The following DAB2IP variants were observed in gnomAD, a reference collection of about 807,000 sequenced individuals.
The protein encoded by DAB2IP is DAB2 interacting protein, also known as disabled homolog 2-interacting protein.
DAB2IP carries 28 observed loss-of-function variants against 107.2 expected under a neutral mutation model. The observed-to-expected ratio is 0.26, with a 90% CI of 0.19 to 0.36. The LOEUF is 0.36. Ranked by LOEUF, DAB2IP falls within the 10% of genes least tolerant of loss-of-function variation. DAB2IP has a pLI of 1.00. For missense variants in DAB2IP, 1,400 were observed against 1,644.7 expected (o/e 0.85, Z 2.57); for synonymous variants, 755 against 706.4 (o/e 1.07, Z -1.09).
exon 12 of DAB2IP, chr9:121,773,291 G>A (rs1564226524): frequency 1.3e-5 from 19 of 1,512,288 alleles, no homozygotes; most frequent in Non-Finnish European, 1.6e-5. Flanking sequence ...ACCAGCCTCC[G>A]CCCCCACCCC....
At chr9:121,707,532 T>A (rs1830120254) in intron 3 of DAB2IP, among the ~76,000 whole-genome samples, 1 of 152,158 alleles carries the variant, frequency 6.6e-6, no homozygotes, top group Non-Finnish European at 1.5e-5. Flanking sequence ...GCCCTAACTT[T>A]TCTGGAACAA....
chr9:121,585,988 T>G (rs1221127308), intron 1 of DAB2IP, among the ~76,000 whole-genome samples: 1 of 152,212 alleles, frequency 6.6e-6, no homozygotes, highest in African/African-American at 2.4e-5. Context: ...GAGCCCACCC[T>G]GGCTCCCTGT....
chr9:121,724,334 C>T (rs1159964992), intron 3 of DAB2IP, among the ~76,000 whole-genome samples: 1 of 152,098 alleles, frequency 6.6e-6, no homozygotes, highest in Non-Finnish European at 1.5e-5. Flanking sequence ...CATCTTTGTC[C>T]TTGTTCCCTC....
At chr9:121,714,576 G>A (rs1430079602) in intron 3 of DAB2IP, among the ~76,000 whole-genome samples, 1 of 152,206 alleles carries the variant, frequency 6.6e-6, no homozygotes, top group Non-Finnish European at 1.5e-5. Context: ...AATGGGACAG[G>A]TGCTCTGACA....
At chr9:121,623,082 T>G (rs1419616934) in intron 1 of DAB2IP, among the ~76,000 whole-genome samples, 1 of 152,204 alleles carries the variant, frequency 6.6e-6, no homozygotes, top group Non-Finnish European at 1.5e-5. Flanking sequence ...AGATGCTTAC[T>G]TAAGAGAGCA....
At position 121,588,959 on chromosome 9, in the gene DAB2IP, T is replaced by C. The variant is rs149335447; in HGVS notation, c.40+21731T>C. 5.1e-3 allele frequency among the ~76,000 whole-genome samples: 768 copies of C among 151,614 alleles called. 8 individuals carry two copies. The highest frequency in any genetic ancestry group is 0.018 in the African/African-American group (739 of 41,296). On this transcript the variant is annotated intron_variant, in intron 1 of 16. Coordinates refer to the DAB2IP transcript ENST00000259371. ...CTGAAGAGGAGATCCGGGTTGCACA[T>C]CACACCCCCTACCCCCCACCAAACC...
At position 121,699,374 on chromosome 9, in the gene DAB2IP, A is replaced by T; in HGVS notation, c.278A>T (p.Gln93Leu). The T allele has an allele frequency of 1.4e-6, 2 of 1,454,566 alleles. No individual in the cohort carries two copies. The highest frequency in any genetic ancestry group is 1.8e-6 in the Non-Finnish European group (2 of 1,090,988). The allele number at this position is 1,454,566 out of a possible 1,614,324, so 90.1% of individuals were successfully genotyped here. ...GGCTCCATCAAGCGCACCAAGAGCCAGCCCAAGCTGGACCGCAACCACAGC... is the reference window on the plus strand; with the variant it reads ...GGCTCCATCAAGCGCACCAAGAGCCTGCCCAAGCTGGACCGCAACCACAGC... The change falls in exon 3 of 16, where the codon CAG becomes CTG. Residue 93 changes from glutamine (Q) to leucine (L), a missense_variant. By Grantham distance (113) the Gln-to-Leu change is moderately radical. Transcript: ENST00000408936. The surrounding 1 kb of genome is among the most constrained non-coding windows in gnomAD (Gnocchi z 6.2).
chr9:121,609,393 C>A (rs1187288236), intron 1 of DAB2IP, among the ~76,000 whole-genome samples: 1 of 152,202 alleles, frequency 6.6e-6, no homozygotes, highest in South Asian at 2.1e-4. Context: ...GTGCATCTGA[C>A]ACCCTGCCAC....
At chr9:121,630,350 C>G (rs913144643) in intron 1 of DAB2IP, among the ~76,000 whole-genome samples, 1 of 151,848 alleles carries the variant, frequency 6.6e-6, no homozygotes, top group African/African-American at 2.4e-5. Context: ...ATGGTGAAAC[C>G]CTGTCTCTAC....
chr9:121,689,183 A>G (rs991220526), intron 2 of DAB2IP, among the ~76,000 whole-genome samples: 1 of 152,104 alleles, frequency 6.6e-6, no homozygotes, highest in Non-Finnish European at 1.5e-5. Flanking sequence ...AACCCCAGCT[A>G]CTATGGAGGC....
rs1013155956 is a variant in DAB2IP at position 121,699,170 on chromosome 9, C to T, written c.229-155C>T. Among the ~76,000 whole-genome samples the T allele has an allele frequency of 2.1e-5, 3 of 144,548 alleles. No homozygotes were observed. The highest frequency in any genetic ancestry group is 4.6e-5 in the Non-Finnish European group (3 of 65,270). The allele number at this position is 144,548 out of a possible 152,430, so 94.8% of individuals were successfully genotyped here. On this transcript the variant is annotated intron_variant, in intron 2 of 15. Transcript: ENST00000408936. This position sits in a 1 kb window ranked among gnomAD's most constrained non-coding sequence, Gnocchi z 6.2. ...CGTCGGCGCTCGGTCGGCGGGCGGG[C>T]GGCGCGGGCCGCGAGCTGCTGGGGC...
In DAB2IP at chr9:121,741,150, G is replaced by A. The variant is rs540406259; in HGVS notation, c.363-15863G>A. ...GACACCCCCTCCTCTCCCCACATGC[G>A]CACCAGATGCATTCGGCTCCAGGAA... On this transcript the variant is annotated intron_variant, in intron 3 of 15. Coordinates refer to ENST00000408936, the Ensembl canonical transcript of DAB2IP. Among the ~76,000 whole-genome samples, 9 of 152,194 alleles carry A rather than the reference G, an allele frequency of 5.9e-5. No individual in the cohort carries two copies. In the East Asian group the frequency reaches 1.5e-3, roughly 26 times the overall value.
At chr9:121,763,750 C>T (rs371930308) in exon 8 of DAB2IP, 27 of 1,613,912 alleles carry the variant, frequency 1.7e-5, no homozygotes, top group Admixed American at 3.3e-5. Context: ...TTCATCAAAG[C>T]GCTGTATGAG....
At position 121,699,156 on chromosome 9, in the gene DAB2IP, G is replaced by C. The variant is rs1314042372; in HGVS notation, c.229-169G>C. On this transcript the variant is annotated intron_variant, in intron 2 of 15. Coordinates refer to ENST00000408936, the Ensembl canonical transcript of DAB2IP. The surrounding 1 kb of genome is among the most constrained non-coding windows in gnomAD (Gnocchi z 6.2). ...TGCGCGGGCCGGGCCGTCGGCGCTC[G>C]GTCGGCGGGCGGGCGGCGCGGGCCG... Among the ~76,000 whole-genome samples the C allele has an allele frequency of 2.8e-5, 4 of 144,938 alleles. No individual in the cohort carries two copies. The highest frequency in any genetic ancestry group is 2.0e-4 in the Admixed American group (3 of 14,702).
At chr9:121,763,972 C>T in intron 8 of DAB2IP, 93 bp downstream of exon 8, 1 of 1,542,550 alleles carries the variant, frequency 6.5e-7, no homozygotes, top group African/African-American at 1.4e-5. Flanking sequence ...GCTGCCTGGC[C>T]CCTGAGTTGT....
intron 6 of DAB2IP, among the ~76,000 whole-genome samples, chr9:121,763,222 G>A (rs558575140): frequency 1.3e-5 from 2 of 152,178 alleles, no homozygotes; most frequent in South Asian, 2.1e-4. Context: ...GGTGGTGGGG[G>A]CTTGTGGCTC....
intron 1 of DAB2IP, among the ~76,000 whole-genome samples, chr9:121,607,675 CT>C (rs954230664): frequency 4.6e-5 from 7 of 152,204 alleles, no homozygotes; most frequent in African/African-American, 1.7e-4. Flanking sequence ...GTCTCTGCCC[CT>C]GCCCCTGTCC....
In DAB2IP at chr9:121,761,146, C is replaced by T. The variant is rs558761102; in HGVS notation, c.1170+707C>T. ...GCAAGCCGTGCCTCAGCCCCACCTA[C>T]CCGGTTTGGGGACAAATGGGCTCCT... On this transcript the variant is annotated intron_variant, in intron 6 of 15. Transcript: ENST00000408936. Among the ~76,000 whole-genome samples, 5 of 152,342 alleles carry T rather than the reference C, an allele frequency of 3.3e-5. No homozygotes were observed. In the East Asian group the frequency reaches 9.7e-4, roughly 29 times the overall value.
At chr9:121,771,404 G>A (rs1447884749) in intron 11 of DAB2IP, among the ~76,000 whole-genome samples, 1 of 152,200 alleles carries the variant, frequency 6.6e-6, no homozygotes, top group Non-Finnish European at 1.5e-5. Flanking sequence ...CGCAGCTGTA[G>A]CAGCAGAGTT....
Sources: allele counts gnomAD v4.1 joint callset (sites outside exome capture counted in the v4.1 genomes callset), GRCh38; gene constraint gnomAD v4.1.1; non-coding constraint Gnocchi (gnomAD v3.1); transcripts MANE v1.5; gene names NCBI Gene and HGNC (gene_info 2026-07-23, HGNC 2026-07-21).